The following CCDC68 variants were observed in gnomAD, a reference collection of about 807,000 sequenced individuals.
The protein encoded by CCDC68 is coiled-coil domain containing 68, also known as coiled-coil domain-containing protein 68.
CCDC68 carries 45 observed loss-of-function variants against 47.1 expected under a neutral mutation model. That is an observed-to-expected ratio of 0.96 (90% CI 0.75 to 1.23). CCDC68 has a LOEUF of 1.23. Ranked by LOEUF, CCDC68 falls within the 50% of genes most tolerant of loss-of-function variation. The pLI, the probability that CCDC68 is intolerant of heterozygous loss-of-function variation, is 0.00. For missense variants in CCDC68, 353 were observed against 373.6 expected (o/e 0.94, Z 0.45); for synonymous variants, 131 against 129.5 (o/e 1.01, Z -0.08).
At position 54,940,096 on chromosome 18, in the gene CCDC68, A is replaced by T. The variant is rs550798078; in HGVS notation, c.204+901T>A. Reference sequence around the variant, plus strand: ...GGTCCCCTCAAGACTCAGTCCTTAGATCTTCTCTCATTTCTCTCCACACTC... The same window carrying T: ...GGTCCCCTCAAGACTCAGTCCTTAGTTCTTCTCTCATTTCTCTCCACACTC... On this transcript the variant is annotated intron_variant, in intron 4 of 11. Coordinates refer to ENST00000591504, the MANE Select transcript of CCDC68 (RefSeq NM_025214.3). Among the ~76,000 whole-genome samples, 7 of 152,152 alleles carry T rather than the reference A, an allele frequency of 4.6e-5. No individual in the cohort carries two copies. In the South Asian group the frequency reaches 1.2e-3, roughly 27 times the overall value.
At chr18:54,945,893 T>C (rs992793797) in intron 1 of CCDC68, among the ~76,000 whole-genome samples, 2 of 152,156 alleles carry the variant, frequency 1.3e-5, no homozygotes, top group African/African-American at 4.8e-5. Flanking sequence ...CAATATGCAG[T>C]GTGCTTGGAA....
intron 6 of CCDC68, among the ~76,000 whole-genome samples, chr18:54,935,578 A>T (rs1007309972): frequency 6.6e-6 from 1 of 152,212 alleles, no homozygotes; most frequent in Admixed American, 6.5e-5. Context: ...AGGTCACTCC[A>T]GGCTGGTGCC....
At chr18:54,951,249 T>C (rs1417446415) in intron 1 of CCDC68, among the ~76,000 whole-genome samples, 1 of 152,206 alleles carries the variant, frequency 6.6e-6, no homozygotes, top group African/African-American at 2.4e-5. Context: ...CATAGTTCAC[T>C]GGCATAATTT....
chr18:54,943,376 T>C (rs1453696765), intron 2 of CCDC68, among the ~76,000 whole-genome samples: 2 of 152,066 alleles, frequency 1.3e-5, no homozygotes, highest in Non-Finnish European at 2.9e-5. Flanking sequence ...GAAAATAATA[T>C]ATAATATCAC....
chr18:54,920,924 G>T (rs888960772), intron 8 of CCDC68, among the ~76,000 whole-genome samples: 1 of 152,158 alleles, frequency 6.6e-6, no homozygotes, highest in African/African-American at 2.4e-5. Flanking sequence ...ATTCACGACA[G>T]CAAAGACATA....
In CCDC68 at chr18:54,941,047, A is replaced by G; in HGVS notation, c.154T>C (p.Phe52Leu). 6.2e-7 allele frequency: 1 copy of G among 1,612,972 alleles called. No individual in the cohort carries two copies. The highest frequency in any genetic ancestry group is 8.5e-7 in the Non-Finnish European group (1 of 1,179,174). ...CTGTCATGTCTTATTTCATCTTTAA[A>G]CATCTGGGTCCTGATCTTTTGCAGA... The part of the protein sequence containing the change: ...TTLQKIRTQM[F>L]KDEIRHDSTN... Residue 52 changes from phenylalanine (F) to leucine (L), a missense_variant, in exon 4 of 12, where the codon TTT becomes CTT. Physicochemically the swap from Phe to Leu is conservative, Grantham distance 22 (BLOSUM62 0). Coordinates refer to ENST00000591504, the MANE Select transcript of CCDC68 (RefSeq NM_025214.3).
At chr18:54,913,167 A>T (rs980509177) in intron 10 of CCDC68, among the ~76,000 whole-genome samples, 1 of 152,208 alleles carries the variant, frequency 6.6e-6, no homozygotes, top group East Asian at 1.9e-4. Flanking sequence ...TCAGATCCTC[A>T]GTTTTGTCAC....
At chr18:54,910,166 G>A (rs1465856653) in intron 10 of CCDC68, among the ~76,000 whole-genome samples, 11 of 152,158 alleles carry the variant, frequency 7.2e-5, no homozygotes, top group Non-Finnish European at 1.2e-4. Context: ...AGCAGAGAAG[G>A]TAGCTCCTCT....
At chr18:54,920,487 C>T (rs911798095) in intron 8 of CCDC68, among the ~76,000 whole-genome samples, 1 of 152,092 alleles carries the variant, frequency 6.6e-6, no homozygotes. Context: ...CTGATCCACC[C>T]ACCTCAGCCT....
intron 2 of CCDC68, among the ~76,000 whole-genome samples, chr18:54,944,127 C>T (rs990344281): frequency 3.3e-5 from 5 of 152,068 alleles, no homozygotes; most frequent in Admixed American, 6.6e-5. Context: ...ATATATTCTA[C>T]CTTTATTCAC....
chr18:54,921,917 T>C (rs1466935671), intron 8 of CCDC68, among the ~76,000 whole-genome samples: 1 of 152,204 alleles, frequency 6.6e-6, no homozygotes, highest in Non-Finnish European at 1.5e-5. Flanking sequence ...CTCACTTTGA[T>C]CTTTTTCTCT....
chr18:54,909,284 G>A (rs1239161787), intron 10 of CCDC68, among the ~76,000 whole-genome samples: 1 of 152,092 alleles, frequency 6.6e-6, no homozygotes, highest in Non-Finnish European at 1.5e-5. Context: ...TGGGGGGAAC[G>A]ATGACAAGTG....
At chr18:54,907,107 ATAAT>A (rs929692179) in intron 11 of CCDC68, among the ~76,000 whole-genome samples, 37 of 152,220 alleles carry the variant, frequency 2.4e-4, no homozygotes, top group Admixed American at 6.5e-5. Flanking sequence ...AATGATACAT[ATAAT>A]TAGAGACTAT....
At chr18:54,954,991 T>TA (rs11439839) in intron 1 of CCDC68, among the ~76,000 whole-genome samples, 54,523 of 151,720 alleles carry the variant, frequency 0.36, 10,188 homozygotes, top group East Asian at 0.57. Flanking sequence ...TTGTAGATGT[T>TA]AAAAAAAATA....
intron 11 of CCDC68, among the ~76,000 whole-genome samples, chr18:54,906,900 T>G (rs1418873451): frequency 6.6e-6 from 1 of 152,220 alleles, no homozygotes; most frequent in African/African-American, 2.4e-5. Flanking sequence ...ATTAGCAAAG[T>G]GAAATACTGT....
At chr18:54,933,985 AG>A (rs1439670748) in intron 7 of CCDC68, among the ~76,000 whole-genome samples, 1 of 152,236 alleles carries the variant, frequency 6.6e-6, no homozygotes, top group Non-Finnish European at 1.5e-5. Context: ...GCATAAACCC[AG>A]GCAGACTCAT....
At chr18:54,934,711 A>G (rs2044314543) in intron 7 of CCDC68, 109 bp downstream of exon 7, 1 of 816,182 alleles carries the variant, frequency 1.2e-6, no homozygotes. Flanking sequence ...ATACTTTCAC[A>G]TAATATTATC....
chr18:54,907,574 T>C (rs975076776), intron 11 of CCDC68, among the ~76,000 whole-genome samples: 1 of 152,294 alleles, frequency 6.6e-6, no homozygotes. Flanking sequence ...ATATCTAAAT[T>C]TGTTCATTAA....
At chr18:54,932,428 C>T (rs11152075) in intron 7 of CCDC68, among the ~76,000 whole-genome samples, 57,692 of 151,460 alleles carry the variant, frequency 0.38, 11,142 homozygotes, top group East Asian at 0.58. Context: ...TGGCCTCAAG[C>T]GATCCTCCTG....
Sources: allele counts gnomAD v4.1 joint callset (sites outside exome capture counted in the v4.1 genomes callset), GRCh38; gene constraint gnomAD v4.1.1; transcripts MANE v1.5; gene names NCBI Gene and HGNC (gene_info 2026-07-23, HGNC 2026-07-21).